NDUFS4: variants seen among roughly 807,000 people sequenced by gnomAD.
NDUFS4 encodes NADH:ubiquinone oxidoreductase subunit S4, also known as NADH dehydrogenase [ubiquinone] iron-sulfur protein 4, mitochondrial.
In NDUFS4, 28 loss-of-function variants were observed where a neutral mutation model predicts 24.3. The ratio of observed to expected loss-of-function variants is 1.15; its 90% confidence interval spans 0.85 to 1.58. The LOEUF is 1.58. NDUFS4 is among the 40% of genes most tolerant of loss of function. The pLI is 0.00. For synonymous variants in NDUFS4, 93 were observed against 69.7 expected (o/e 1.34, Z -1.67); for missense variants, 223 against 207.9 (o/e 1.07, Z -0.45).
intron 1 of NDUFS4, among the ~76,000 whole-genome samples, chr5:53,591,827 C>T (rs1205143057): frequency 2.6e-5 from 4 of 152,152 alleles, no homozygotes; most frequent in African/African-American, 7.2e-5. Context: ...TGATATTGAG[C>T]ACTTTTTCAT....
At chr5:53,627,333 C>A (rs1751261083) in intron 2 of NDUFS4, among the ~76,000 whole-genome samples, 1 of 152,096 alleles carries the variant, frequency 6.6e-6, no homozygotes, top group Non-Finnish European at 1.5e-5. Flanking sequence ...TAGCTTTGTT[C>A]TTTTTGCTTA....
intron 1 of NDUFS4, among the ~76,000 whole-genome samples, chr5:53,602,794 A>G (rs1750366581): frequency 6.6e-6 from 1 of 152,240 alleles, no homozygotes; most frequent in South Asian, 2.1e-4. Context: ...ATTCAGTAGT[A>G]TAAACAACAA....
chr5:53,562,060 A>G (rs1748866297), intron 1 of NDUFS4, among the ~76,000 whole-genome samples: 1 of 151,742 alleles, frequency 6.6e-6, no homozygotes, highest in Non-Finnish European at 1.5e-5. Flanking sequence ...CTGTAGTGCA[A>G]TGGCGTGATC....
At chr5:53,565,150 G>A (rs1480546461) in intron 1 of NDUFS4, among the ~76,000 whole-genome samples, 1 of 152,216 alleles carries the variant, frequency 6.6e-6, no homozygotes, top group Non-Finnish European at 1.5e-5. Context: ...TGAGGTAGGT[G>A]TACTCCAGGT....
intron 2 of NDUFS4, among the ~76,000 whole-genome samples, chr5:53,640,791 G>A (rs537496821): frequency 5.3e-5 from 8 of 152,098 alleles, no homozygotes; most frequent in Admixed American, 2.0e-4. Flanking sequence ...CCAAAGATAG[G>A]CAAAAAGAAA....
At chr5:53,601,800 C>A (rs1561355048) in intron 1 of NDUFS4, among the ~76,000 whole-genome samples, 1 of 152,150 alleles carries the variant, frequency 6.6e-6, no homozygotes, top group Non-Finnish European at 1.5e-5. Context: ...GTATAGGATA[C>A]CTGCGTTAGT....
At chr5:53,597,151 T>C (rs974601926) in intron 1 of NDUFS4, among the ~76,000 whole-genome samples, 1 of 152,166 alleles carries the variant, frequency 6.6e-6, no homozygotes, top group African/African-American at 2.4e-5. Flanking sequence ...GCTGGCAAAG[T>C]GCTATTGGCT....
intron 2 of NDUFS4, among the ~76,000 whole-genome samples, chr5:53,614,085 A>G (rs1750775810): frequency 6.6e-6 from 1 of 151,918 alleles, no homozygotes; most frequent in Non-Finnish European, 1.5e-5. Flanking sequence ...AATAGTTGAA[A>G]GTTTATCAAA....
intron 1 of NDUFS4, among the ~76,000 whole-genome samples, chr5:53,570,476 C>T (rs563317784): frequency 6.6e-6 from 1 of 152,144 alleles, no homozygotes; most frequent in African/African-American, 2.4e-5. Context: ...AGCTTCTGTA[C>T]AGGATTTTAT....
At chr5:53,616,656 T>C (rs548248849) in intron 2 of NDUFS4, among the ~76,000 whole-genome samples, 1 of 152,266 alleles carries the variant, frequency 6.6e-6, no homozygotes, top group East Asian at 1.9e-4. Flanking sequence ...ATCAGAGATG[T>C]GGGCAGGAGC....
intron 1 of NDUFS4, 95 bp from the exon 2 acceptor site, chr5:53,603,357 G>C: frequency 1.7e-6 from 1 of 571,928 alleles, no homozygotes; most frequent in East Asian, 4.0e-5. Flanking sequence ...TTTTTAATAA[G>C]ACAGATATTG....
Position 53,615,406 on chromosome 5 carries a change from C to T in NDUFS4, c.177+11876C>T, listed in dbSNP as rs138313269. ...AGAATTAGAGCAAAAGAAAGGAGAA[C>T]GTAGACTTTAAAATTTGAGACTAGC... On this transcript the variant is annotated intron_variant, in intron 2 of 4. Transcript: ENST00000296684. Among the ~76,000 whole-genome samples the T allele has an allele frequency of 2.3e-4, 35 of 152,022 alleles. 1 individual carries two copies. In the East Asian group the frequency reaches 3.1e-3, roughly 13 times the overall value.
chr5:53,680,916 C>G (rs1310699988), intron 4 of NDUFS4, among the ~76,000 whole-genome samples: 1 of 152,056 alleles, frequency 6.6e-6, no homozygotes, highest in African/African-American at 2.4e-5. Context: ...CAGGAATGCT[C>G]TTGTCTCAGG....
chr5:53,577,326 C>T lies in NDUFS4; in HGVS notation c.98+16566C>T, dbSNP rs935083335. ...ACTTGTGCTTCTGAAGATGTTGAGGCGTAATGGGCTCACTTGAGGTGGGAT... is the reference window on the plus strand; with the variant it reads ...ACTTGTGCTTCTGAAGATGTTGAGGTGTAATGGGCTCACTTGAGGTGGGAT... On this transcript the variant is annotated intron_variant, in intron 1 of 4. Transcript: ENST00000296684. Among the ~76,000 whole-genome samples the T allele has an allele frequency of 3.9e-5, 6 of 152,024 alleles. No homozygotes were observed. The East Asian group carries it at 5.8e-4, about 15-fold the overall frequency.
At chr5:53,641,638 T>C (rs1751707283) in intron 2 of NDUFS4, among the ~76,000 whole-genome samples, 1 of 152,154 alleles carries the variant, frequency 6.6e-6, no homozygotes, top group South Asian at 2.1e-4. Flanking sequence ...CCTAAGTTTT[T>C]AGAAGTGTTT....
intron 4 of NDUFS4, among the ~76,000 whole-genome samples, chr5:53,660,126 G>A (rs994791484): frequency 2.0e-5 from 3 of 151,354 alleles, no homozygotes; most frequent in African/African-American, 4.9e-5. Flanking sequence ...TTAACATTAG[G>A]TATATCTCCT....
At chr5:53,669,524 A>G (rs1423649223) in intron 4 of NDUFS4, among the ~76,000 whole-genome samples, 1 of 151,858 alleles carries the variant, frequency 6.6e-6, no homozygotes, top group Non-Finnish European at 1.5e-5. Flanking sequence ...CCCATCTACT[A>G]CTGGATGAAC....
At chr5:53,661,428 G>T (rs1391052207) in intron 4 of NDUFS4, among the ~76,000 whole-genome samples, 1 of 152,166 alleles carries the variant, frequency 6.6e-6, no homozygotes, top group Non-Finnish European at 1.5e-5. Flanking sequence ...TTGAAGTCAG[G>T]TAGCTTGATG....
At chr5:53,609,483 T>C (rs1416469747) in intron 2 of NDUFS4, among the ~76,000 whole-genome samples, 1 of 152,160 alleles carries the variant, frequency 6.6e-6, no homozygotes, top group East Asian at 1.9e-4. Context: ...CCAGGCTTTG[T>C]TATTCATTTA....
Sources: allele counts gnomAD v4.1 joint callset (sites outside exome capture counted in the v4.1 genomes callset), GRCh38; gene constraint gnomAD v4.1.1; transcripts MANE v1.5; gene names NCBI Gene and HGNC (gene_info 2026-07-23, HGNC 2026-07-21).